CCDC30: variants seen among roughly 807,000 people sequenced by gnomAD.
CCDC30 encodes the protein coiled-coil domain-containing protein 30.
CCDC30 carries 70 observed loss-of-function variants against 100.2 expected under a neutral mutation model. The ratio of observed to expected loss-of-function variants is 0.70; its 90% CI spans 0.58 to 0.85. The LOEUF (loss-of-function observed/expected upper bound fraction) is 0.85. Among genes scored for constraint, CCDC30 ranks in the 40% least tolerant of loss-of-function variants. The pLI is 0.00. For synonymous variants in CCDC30, 233 were observed against 269.5 expected (o/e 0.86, Z 1.33); for missense variants, 652 against 771.2 (o/e 0.85, Z 1.83).
intron 1 of CCDC30, among the ~76,000 whole-genome samples, chr1:42,469,043 G>A (rs1267302218): frequency 2.6e-5 from 4 of 151,970 alleles, no homozygotes; most frequent in Non-Finnish European, 2.9e-5. Context: ...AACTTTCAGG[G>A]AAGGAGTGAA....
chr1:42,571,546 G>A (rs1645733237), intron 7 of CCDC30, among the ~76,000 whole-genome samples: 1 of 152,016 alleles, frequency 6.6e-6, no homozygotes. Flanking sequence ...GTGGGAAATG[G>A]GTTTTTACTA....
chr1:42,540,650 T>TACAC lies in CCDC30; in HGVS notation c.457-25630_457-25627dup, dbSNP rs201629692. The stretch of plus-strand genomic sequence containing the variant: ...CCTTATCATTGTCTCTCTTTCCCTC[T>TACAC]ACACACACACACACACACATACACA... On this transcript the variant is annotated intron_variant, in intron 6 of 16. Coordinates refer to ENST00000668663, the Ensembl canonical transcript of CCDC30. Among the ~76,000 whole-genome samples, 37 of 148,316 alleles carry TACAC rather than the reference T, an allele frequency of 2.5e-4. 1 individual carries two copies. Among genetic ancestry groups the TACAC allele is most frequent in the South Asian group, 8.5e-4 (4 of 4,714 alleles).
chr1:42,613,848 C>T (rs1443512679), intron 11 of CCDC30, among the ~76,000 whole-genome samples: 1 of 152,052 alleles, frequency 6.6e-6, no homozygotes, highest in Non-Finnish European at 1.5e-5. Flanking sequence ...GTGCCGACTT[C>T]CTATCTCATC....
Position 42,500,254 on chromosome 1 carries a change from A to G in CCDC30, c.456+1338A>G, listed in dbSNP as rs111910478. On this transcript the variant is annotated intron_variant, in intron 6 of 16. Coordinates refer to ENST00000668663, the Ensembl canonical transcript of CCDC30. Reference sequence around the variant, plus strand: ...CTGTTCAATCGTTTCTTTGGAAGGCAGTGGATTTTTCTCTTGCGTCTCTGT... The same window carrying G: ...CTGTTCAATCGTTTCTTTGGAAGGCGGTGGATTTTTCTCTTGCGTCTCTGT... 2,414 of 1,609,502 alleles carry G rather than the reference A, an allele frequency of 1.5e-3. 35 individuals carry two copies. The African/African-American group carries it at 0.027, about 18-fold the overall frequency.
chr1:42,468,330 G>A (rs181607698), intron 1 of CCDC30, among the ~76,000 whole-genome samples: 79 of 152,282 alleles, frequency 5.2e-4, no homozygotes, highest in African/African-American at 1.8e-3. Flanking sequence ...TCCAGCTTAT[G>A]GTGCCCAGGA....
chr1:42,462,737 C>T (rs1643444626), upstream of CCDC30, among the ~76,000 whole-genome samples: 1 of 152,146 alleles, frequency 6.6e-6, no homozygotes, highest in Admixed American at 6.5e-5. Flanking sequence ...GGGAAGATAA[C>T]GTTCATCTTA....
intron 4 of CCDC30, among the ~76,000 whole-genome samples, chr1:42,494,148 C>G (rs2148470595): frequency 6.6e-6 from 1 of 152,242 alleles, no homozygotes; most frequent in African/African-American, 2.4e-5. Flanking sequence ...GGTACTGGTA[C>G]CAAAACAGAT....
chr1:42,495,322 C>G lies in CCDC30; in HGVS notation c.242-1776C>G, dbSNP rs1205163999. 2.0e-5 allele frequency among the ~76,000 whole-genome samples: 3 copies of G among 150,948 alleles called. No individual in the cohort carries two copies. In the East Asian group the frequency reaches 5.8e-4, roughly 29 times the overall value. ...ATTGAACAGTGAGAACACATGGACACAGGAAGGGGAACATGACACTCTGGG... is the reference window on the plus strand; with the variant it reads ...ATTGAACAGTGAGAACACATGGACAGAGGAAGGGGAACATGACACTCTGGG... On this transcript the variant is annotated intron_variant, in intron 4 of 16. Coordinates refer to ENST00000668663, the Ensembl canonical transcript of CCDC30.
chr1:42,472,836 A>G (rs1333124656), intron 1 of CCDC30, among the ~76,000 whole-genome samples: 2 of 152,208 alleles, frequency 1.3e-5, no homozygotes, highest in African/African-American at 4.8e-5. Flanking sequence ...TCATATATAC[A>G]TAGACTTCTT....
intron 6 of CCDC30, among the ~76,000 whole-genome samples, chr1:42,562,842 CAT>C (rs1344398464): frequency 6.6e-5 from 10 of 152,162 alleles, no homozygotes; most frequent in African/African-American, 2.4e-4. Context: ...GGCCAACAAA[CAT>C]ATGAAGAAAA....
intron 7 of CCDC30, chr1:42,571,114 T>G (rs2148573732): frequency 6.6e-6 from 1 of 152,358 alleles, no homozygotes; most frequent in East Asian, 1.9e-4. Flanking sequence ...AAACCTTAAG[T>G]GTTGACTCTT....
At chr1:42,595,957 G>A (rs894400691) in intron 10 of CCDC30, among the ~76,000 whole-genome samples, 2 of 152,116 alleles carry the variant, frequency 1.3e-5, no homozygotes, top group Admixed American at 1.3e-4. Flanking sequence ...AGACTTCTAC[G>A]TTCTGATCCA....
At position 42,589,499 on chromosome 1, in the gene CCDC30, G is replaced by T. The variant is rs767105334; in HGVS notation, c.1164+16G>T. 28 of 1,605,220 alleles carry T rather than the reference G, an allele frequency of 1.7e-5. No homozygotes were observed. The highest frequency in any genetic ancestry group is 2.4e-5 in the Non-Finnish European group (28 of 1,173,010). On this transcript the variant is annotated intron_variant, in intron 10 of 16. Transcript: ENST00000668663. ...ATATGATGAGGTAAGAAAGTAAATAGACATGCTTCTCAGTTTTCCTATTCC... is the reference window on the plus strand; with the variant it reads ...ATATGATGAGGTAAGAAAGTAAATATACATGCTTCTCAGTTTTCCTATTCC...
chr1:42,492,639 T>C (rs1013471638), intron 4 of CCDC30: 12 of 152,824 alleles, frequency 7.9e-5, no homozygotes, highest in African/African-American at 2.9e-4. Flanking sequence ...TTGGAAATAT[T>C]TGGAAATTAA....
At chr1:42,601,943 G>T (rs1646411798) in intron 10 of CCDC30, among the ~76,000 whole-genome samples, 2 of 152,226 alleles carry the variant, frequency 1.3e-5, no homozygotes, top group Non-Finnish European at 1.5e-5. Context: ...ACACAGAAAA[G>T]AAATTCAGAA....
At chr1:42,524,726 AG>A (rs1420049556) in intron 6 of CCDC30, among the ~76,000 whole-genome samples, 1 of 152,232 alleles carries the variant, frequency 6.6e-6, no homozygotes, top group African/African-American at 2.4e-5. Flanking sequence ...TGGCTGCTGC[AG>A]GGCTAAGAGC....
At chr1:42,544,254 T>C (rs1024290010) in intron 6 of CCDC30, among the ~76,000 whole-genome samples, 4 of 152,212 alleles carry the variant, frequency 2.6e-5, no homozygotes, top group Non-Finnish European at 5.9e-5. Flanking sequence ...GAAATGTTTT[T>C]TCATTTTATA....
At chr1:42,649,094 T>C (rs1208181563) in intron 15 of CCDC30, among the ~76,000 whole-genome samples, 1 of 152,072 alleles carries the variant, frequency 6.6e-6, no homozygotes, top group Non-Finnish European at 1.5e-5. Flanking sequence ...ACCTGCTGGA[T>C]TCACTCCTGA....
At chr1:42,514,241 T>G (rs1271791961) in intron 6 of CCDC30, among the ~76,000 whole-genome samples, 1 of 152,258 alleles carries the variant, frequency 6.6e-6, no homozygotes, top group African/African-American at 2.4e-5. Flanking sequence ...TATGTTTTCA[T>G]GTCTCTTGGG....
Sources: allele counts gnomAD v4.1 joint callset (sites outside exome capture counted in the v4.1 genomes callset), GRCh38; gene constraint gnomAD v4.1.1; transcripts MANE v1.5; gene names NCBI Gene and HGNC (gene_info 2026-07-23, HGNC 2026-07-21).